Variants in REV3L observed in about 807,000 individuals in gnomAD.
REV3L encodes the protein DNA polymerase zeta catalytic subunit.
A neutral mutation model predicts 299.4 loss-of-function variants in REV3L; 69 were observed. That is an observed-to-expected ratio of 0.23 (90% CI 0.19 to 0.28). REV3L has a LOEUF of 0.28. Ranked by LOEUF, REV3L falls within the 10% of genes least tolerant of loss-of-function variation. The probability of loss-of-function intolerance (pLI) is 1.00; values close to 1 mark genes in which losing one functional copy is unlikely to be tolerated. For synonymous variants in REV3L, 1,238 were observed against 1,271.4 expected (o/e 0.97, Z 0.56); for missense variants, 3,128 against 3,693.8 (o/e 0.85, Z 3.97).
intron 3 of REV3L, among the ~76,000 whole-genome samples, chr6:111,411,085 A>G (rs541656252): frequency 6.6e-6 from 1 of 152,340 alleles, no homozygotes; most frequent in East Asian, 1.9e-4. Flanking sequence ...GTAAACAGTC[A>G]ACAGGTTTCT....
intron 21 of REV3L, among the ~76,000 whole-genome samples, chr6:111,336,062 C>CA (rs5879103): frequency 0.41 from 58,748 of 143,748 alleles, 13,858 homozygotes; most frequent in Non-Finnish European, 0.54. Context: ...ATGTTCATGG[C>CA]AAAAAAAAAA....
chr6:111,466,874 T>C (rs1217002129), intron 1 of REV3L, among the ~76,000 whole-genome samples: 1 of 152,090 alleles, frequency 6.6e-6, no homozygotes, highest in Non-Finnish European at 1.5e-5. Flanking sequence ...AAAAGAAATT[T>C]TAAATTGTTT....
chr6:111,430,994 G>A (rs1035334732), intron 1 of REV3L: 26 of 1,571,986 alleles, frequency 1.7e-5, no homozygotes, highest in Non-Finnish European at 2.2e-5. Context: ...GTTCAAAGAG[G>A]ACAAAAGAAC....
At chr6:111,386,686 A>C (rs1225427585) in intron 9 of REV3L, among the ~76,000 whole-genome samples, 1 of 151,116 alleles carries the variant, frequency 6.6e-6, no homozygotes, top group African/African-American at 2.4e-5. Flanking sequence ...ATTTATCCTA[A>C]AATTTATGCT....
chr6:111,307,697 G>C (rs1182398068), intron 30 of REV3L, 127 bp from the exon 31 acceptor site: 1 of 822,132 alleles, frequency 1.2e-6, no homozygotes, highest in Non-Finnish European at 2.0e-6. Flanking sequence ...CAAATGTTGA[G>C]TAGCTACTAT....
intron 2 of REV3L, among the ~76,000 whole-genome samples, chr6:111,415,105 A>T (rs2128283463): frequency 6.6e-6 from 1 of 152,336 alleles, no homozygotes; most frequent in African/African-American, 2.4e-5. Flanking sequence ...AGTAAAAGTC[A>T]AAGTCCTTAC....
At chr6:111,452,826 G>C (rs1789712973) in intron 1 of REV3L, among the ~76,000 whole-genome samples, 1 of 152,112 alleles carries the variant, frequency 6.6e-6, no homozygotes, top group East Asian at 1.9e-4. Flanking sequence ...AAAAGAACAG[G>C]GGAATAAACA....
chr6:111,331,416 C>A (rs1053133567), intron 24 of REV3L, among the ~76,000 whole-genome samples: 2 of 152,100 alleles, frequency 1.3e-5, no homozygotes, highest in African/African-American at 4.8e-5. Context: ...TATAAGCATA[C>A]GTTTATTTCT....
At chr6:111,482,552 G>A (rs1793877493) in intron 1 of REV3L, among the ~76,000 whole-genome samples, 198 bp downstream of exon 1, 1 of 151,852 alleles carries the variant, frequency 6.6e-6, no homozygotes, top group Non-Finnish European at 1.5e-5. Flanking sequence ...GCGCCGCGCA[G>A]CGCTCGCGCG....
rs544727372 is a variant in REV3L at position 111,482,400 on chromosome 6, T to C, written c.139+350A>G. Among the ~76,000 whole-genome samples the C allele has an allele frequency of 3.8e-3, 572 of 152,280 alleles. 2 individuals carry two copies. The highest frequency in any genetic ancestry group is 6.8e-3 in the Non-Finnish European group (463 of 67,998). On this transcript the variant is annotated intron_variant, in intron 1 of 31. Transcript: ENST00000368802. ...CTACGAACCCGTCCACCGATGGACA[T>C]GGCGCGGCCACCTGGCCCGCCGTCC...
chr6:111,430,632 G>C (rs1214072294), intron 1 of REV3L: 2 of 1,526,018 alleles, frequency 1.3e-6, no homozygotes, highest in Non-Finnish European at 9.1e-7. Context: ...GGAGGACAGA[G>C]GCTGCTGGCC....
At chr6:111,395,055 T>C (rs1177184250) in intron 4 of REV3L, among the ~76,000 whole-genome samples, 1 of 152,116 alleles carries the variant, frequency 6.6e-6, no homozygotes, top group Non-Finnish European at 1.5e-5. Flanking sequence ...AGTATTATTT[T>C]GCTCAGCCTG....
intron 1 of REV3L, among the ~76,000 whole-genome samples, chr6:111,443,058 C>T (rs1453050923): frequency 6.6e-6 from 1 of 152,076 alleles, no homozygotes; most frequent in Non-Finnish European, 1.5e-5. Context: ...ATCTTAAAGT[C>T]CTTTTATTTG....
intron 20 of REV3L, among the ~76,000 whole-genome samples, chr6:111,346,395 T>C (rs909615928): frequency 1.3e-5 from 2 of 152,136 alleles, no homozygotes; most frequent in Non-Finnish European, 2.9e-5. Context: ...GAATTCAAAG[T>C]CCATAAGGAA....
At chr6:111,414,458 T>C (rs900731877) in intron 2 of REV3L, among the ~76,000 whole-genome samples, 2 of 152,154 alleles carry the variant, frequency 1.3e-5, no homozygotes, top group African/African-American at 4.8e-5. Flanking sequence ...GAAGTTTAAA[T>C]TGTATTCTAT....
intron 20 of REV3L, among the ~76,000 whole-genome samples, chr6:111,345,983 C>T (rs1425405136): frequency 6.6e-6 from 1 of 152,104 alleles, no homozygotes; most frequent in Non-Finnish European, 1.5e-5. Context: ...TCCTCAAACC[C>T]CAAAAGCCTC....
intron 13 of REV3L, among the ~76,000 whole-genome samples, chr6:111,370,407 TG>T (rs1172189384): frequency 6.6e-6 from 1 of 152,148 alleles, no homozygotes. Context: ...GAAAAGGGGC[TG>T]GGAGGTGGAC....
At chr6:111,313,934 TC>T (rs1163817027) in intron 27 of REV3L, among the ~76,000 whole-genome samples, 8 of 152,228 alleles carry the variant, frequency 5.3e-5, no homozygotes, top group African/African-American at 1.9e-4. Flanking sequence ...CATTGTTACT[TC>T]CTATATGGAG....
chr6:111,318,959 G>C (rs1773832332), intron 26 of REV3L, among the ~76,000 whole-genome samples: 1 of 152,154 alleles, frequency 6.6e-6, no homozygotes, highest in Admixed American at 6.5e-5. Context: ...TGGTTGTCTA[G>C]GGCATGGAGT....
Sources: gnomAD v4.1 joint callset for allele counts (sites outside exome capture counted in the v4.1 genomes callset) on GRCh38, gnomAD v4.1.1 for gene constraint, MANE v1.5 for transcripts, NCBI Gene and HGNC (gene_info 2026-07-23, HGNC 2026-07-21) for gene names.